Variants in CRIPTO observed in about 807,000 individuals in gnomAD.
The protein encoded by CRIPTO is cripto, EGF-CFC family member, also known as protein Cripto.
chr3:46,575,956 C>T, the CRIPTO span, among the ~76,000 whole-genome samples: 1 of 152,200 alleles, frequency 6.6e-6, no homozygotes, highest in African/African-American at 2.4e-5. Context: ...TCCCCCACCT[C>T]CGGCCTCCTA....
At chr3:46,575,567 G>A in the CRIPTO span, among the ~76,000 whole-genome samples, 10 of 152,114 alleles carry the variant, frequency 6.6e-5, no homozygotes, top group Non-Finnish European at 1.3e-4. Flanking sequence ...CTGGGGTTCT[G>A]GTCCCGTCAA....
chr3:46,579,877 A>C, the CRIPTO span: 1 of 1,614,128 alleles, frequency 6.2e-7, no homozygotes, highest in Admixed American at 1.7e-5. Context: ...AGGGGCGGGG[A>C]GCCGTGGAGA....
chr3:46,582,303 C>T, the CRIPTO span: 1 of 152,146 alleles, frequency 6.6e-6, no homozygotes, highest in East Asian at 1.9e-4. Context: ...ATTGTGTTTC[C>T]TCCAAGCTAT....
At chr3:46,576,836 G>A in the CRIPTO span, among the ~76,000 whole-genome samples, 1 of 152,054 alleles carries the variant, frequency 6.6e-6, no homozygotes. Context: ...GCTCATAGAC[G>A]CGCCTCTCCA....
At chr3:46,581,052 A>G in the CRIPTO span, 1 of 1,041,360 alleles carries the variant, frequency 9.6e-7, no homozygotes, top group Non-Finnish European at 1.5e-6. Flanking sequence ...ACAGTAGCGT[A>G]TAGATATGCC....
the CRIPTO span, chr3:46,579,093 A>G: frequency 6.2e-7 from 1 of 1,614,086 alleles, no homozygotes; most frequent in Non-Finnish European, 8.5e-7. Flanking sequence ...TCCTCTTCCT[A>G]GTGTGATTTG....
chr3:46,580,986 A>G, the CRIPTO span: 1 of 702,570 alleles, frequency 1.4e-6, no homozygotes, highest in East Asian at 2.7e-5. Context: ...CCTGCAAGTG[A>G]AGGCATCACC....
chr3:46,575,910 G>T, the CRIPTO span, among the ~76,000 whole-genome samples: 1 of 152,270 alleles, frequency 6.6e-6, no homozygotes, highest in East Asian at 1.9e-4. Flanking sequence ...AAACCTCCTT[G>T]CAGCTCCAGG....
At chr3:46,578,051 GC>G in the CRIPTO span, 1 of 1,596,844 alleles carries the variant, frequency 6.3e-7, no homozygotes, top group Non-Finnish European at 8.6e-7. Context: ...GCTAGAGATT[GC>G]CAGCTTAGGA....
the CRIPTO span, chr3:46,579,811 CCT>C: frequency 6.2e-7 from 1 of 1,613,900 alleles, no homozygotes; most frequent in Non-Finnish European, 8.5e-7. Context: ...GCCTGCCCTC[CCT>C]CCTTCTACGG....
the CRIPTO span, among the ~76,000 whole-genome samples, chr3:46,580,263 C>T: frequency 6.6e-6 from 1 of 152,178 alleles, no homozygotes. Context: ...CCTGGCTAGT[C>T]CTGCTGCCTT....
At chr3:46,576,329 G>A in the CRIPTO span, among the ~76,000 whole-genome samples, 1 of 151,648 alleles carries the variant, frequency 6.6e-6, no homozygotes, top group Admixed American at 6.6e-5. Flanking sequence ...TTAGCCGGGC[G>A]TTGTGGCGGG....
the CRIPTO span, chr3:46,577,481 C>T: frequency 5.9e-6 from 1 of 168,510 alleles, no homozygotes; most frequent in East Asian, 1.7e-4. Context: ...AATTACTTTC[C>T]ACCACCCCTC....
the CRIPTO span, among the ~76,000 whole-genome samples, chr3:46,580,946 C>T: frequency 6.6e-6 from 1 of 151,934 alleles, no homozygotes; most frequent in African/African-American, 2.4e-5. Flanking sequence ...ACATGGGGCC[C>T]AATCAGAATC....
the CRIPTO span, among the ~76,000 whole-genome samples, chr3:46,575,379 A>T: frequency 2.0e-4 from 31 of 152,048 alleles, no homozygotes; most frequent in Admixed American, 5.9e-4. Context: ...CCTCTCTTAA[A>T]CACCACAGCC....
At chr3:46,575,902 A>T in the CRIPTO span, among the ~76,000 whole-genome samples, 1 of 151,752 alleles carries the variant, frequency 6.6e-6, no homozygotes, top group Non-Finnish European at 1.5e-5. Flanking sequence ...ACATCTTTAA[A>T]CCTCCTTGCA....
chr3:46,581,662 A>T, the CRIPTO span: 1 of 514,464 alleles, frequency 1.9e-6, no homozygotes, highest in Non-Finnish European at 3.4e-6. Flanking sequence ...GGCATGTGTC[A>T]CCATGCCCAG....
At chr3:46,578,066 A>C in the CRIPTO span, 1 of 1,535,678 alleles carries the variant, frequency 6.5e-7, no homozygotes, top group Non-Finnish European at 9.0e-7. Context: ...CTTAGGAAGT[A>C]ATGTTCTACA....
the CRIPTO span, chr3:46,577,211 CAAGG>C: frequency 6.6e-6 from 1 of 152,330 alleles, no homozygotes; most frequent in Non-Finnish European, 1.5e-5. Context: ...CTGGAGCCCC[CAAGG>C]AACCCCTCCT....
Sources: gnomAD v4.1 joint callset for allele counts (sites outside exome capture counted in the v4.1 genomes callset) on GRCh38, gnomAD v4.1.1 for gene constraint, MANE v1.5 for transcripts, NCBI Gene and HGNC (gene_info 2026-07-23, HGNC 2026-07-21) for gene names.